Variants in XPO4 observed in about 807,000 individuals in gnomAD.
The protein encoded by XPO4 is exportin-4.
In XPO4, 39 loss-of-function variants were observed where a neutral mutation model predicts 143.0. The observed-to-expected ratio is 0.27, with a 90% confidence interval of 0.21 to 0.36. The LOEUF (loss-of-function observed/expected upper bound fraction) is 0.36. Among genes scored for constraint, XPO4 ranks in the 10% least tolerant of loss-of-function variants. The pLI is 1.00. For missense variants in XPO4, 907 were observed against 1,348.0 expected, an observed-to-expected ratio of 0.67 and a Z score of 5.12; for synonymous variants, 439 against 474.0, an observed-to-expected ratio of 0.93 and a Z score of 0.96.
At chr13:20,831,911 C>T (rs1011251965) in intron 6 of XPO4, among the ~76,000 whole-genome samples, 2 of 149,946 alleles carry the variant, frequency 1.3e-5, no homozygotes, top group African/African-American at 4.9e-5. Context: ...AAAACCCAAC[C>T]AATCTTCTAA....
In XPO4 at chr13:20,901,643, G is replaced by A. The variant is rs748471670; in HGVS notation, c.69+1027C>T. ...TTCTAAAGAAACAAAAATATCTGGT[G>A]TAAAATATTAGAACTACAAACTACG... On this transcript the variant is annotated intron_variant, in intron 1 of 22. Coordinates refer to ENST00000255305, the MANE Select transcript of XPO4 (RefSeq NM_022459.5). Among the ~76,000 whole-genome samples, 133 of 152,254 alleles carry A rather than the reference G, an allele frequency of 8.7e-4. 1 individual carries two copies. Among genetic ancestry groups the A allele is most frequent in the Admixed American group, 1.8e-3 (28 of 15,290 alleles).
At chr13:20,820,230 G>A (rs17058712) in intron 9 of XPO4, among the ~76,000 whole-genome samples, 5,802 of 152,266 alleles carry the variant, frequency 0.038, 379 homozygotes, top group African/African-American at 0.13. Context: ...ATGCATGCAG[G>A]CTTTCTATAT....
intron 8 of XPO4, 87 bp downstream of exon 8, chr13:20,822,044 GA>G (rs1209650285): frequency 3.5e-5 from 52 of 1,465,066 alleles, no homozygotes; most frequent in South Asian, 6.0e-5. Flanking sequence ...ATATAAGGGG[GA>G]AAAAATAACT....
At chr13:20,848,069 C>T in intron 4 of XPO4, 2 of 287,404 alleles carry the variant, frequency 7.0e-6, no homozygotes, top group Non-Finnish European at 1.0e-5. Flanking sequence ...GATCCCAATG[C>T]TTGTTGATTT....
intron 4 of XPO4, chr13:20,852,243 C>G: frequency 2.0e-6 from 2 of 985,406 alleles, no homozygotes; most frequent in Non-Finnish European, 2.4e-6. Flanking sequence ...TCACAAGGAG[C>G]TGGACTCCTT....
intron 22 of XPO4, among the ~76,000 whole-genome samples, chr13:20,785,956 G>C (rs2059198903): frequency 7.3e-6 from 1 of 136,798 alleles, no homozygotes; most frequent in Non-Finnish European, 1.6e-5. Flanking sequence ...GAAAAAGATA[G>C]AAAAAAGAAA....
At chr13:20,831,000 A>T (rs1185121735) in intron 6 of XPO4, among the ~76,000 whole-genome samples, 1 of 152,150 alleles carries the variant, frequency 6.6e-6, no homozygotes, top group African/African-American at 2.4e-5. Context: ...TAATATAAAG[A>T]ATTAAGGTAA....
chr13:20,833,712 C>T (rs2059880731), intron 6 of XPO4, among the ~76,000 whole-genome samples: 1 of 151,934 alleles, frequency 6.6e-6, no homozygotes. Context: ...TCATATACAA[C>T]ATGCATAGGG....
Position 20,895,631 on chromosome 13 carries a change from CAA to C in XPO4, c.69+7037_69+7038del, listed in dbSNP as rs5802090. On this transcript the variant is annotated intron_variant, in intron 1 of 22. Transcript: ENST00000255305. ...TGGGTGACAGAGCAAGACTCTGTCTCAAAAAAAAAAAAAGAAGTTTAGTATAA... is the reference window on the plus strand; with the variant it reads ...TGGGTGACAGAGCAAGACTCTGTCTCAAAAAAAAAAAGAAGTTTAGTATAA... Among the ~76,000 whole-genome samples, 180 of 144,926 alleles carry C rather than the reference CAA, an allele frequency of 1.2e-3. 1 individual carries two copies. Among genetic ancestry groups the C allele is most frequent in the Admixed American group, 2.3e-3 (34 of 14,524 alleles).
intron 1 of XPO4, among the ~76,000 whole-genome samples, chr13:20,873,242 T>C (rs2060318978): frequency 6.6e-6 from 1 of 152,076 alleles, no homozygotes; most frequent in South Asian, 2.1e-4. Flanking sequence ...TTGCCTTCAG[T>C]TCACAAAATC....
At chr13:20,868,388 G>T in intron 2 of XPO4, 1 of 712,990 alleles carries the variant, frequency 1.4e-6, no homozygotes, top group Non-Finnish European at 2.0e-6. Context: ...TATATCTAGG[G>T]GGGAAAAATC....
intron 1 of XPO4, among the ~76,000 whole-genome samples, chr13:20,882,708 C>G (rs927963047): frequency 6.6e-6 from 1 of 151,882 alleles, no homozygotes. Flanking sequence ...GCCAACATGG[C>G]AAAATCCCAT....
At chr13:20,885,565 G>A (rs1357866181) in intron 1 of XPO4, among the ~76,000 whole-genome samples, 1 of 152,028 alleles carries the variant, frequency 6.6e-6, no homozygotes, top group Admixed American at 6.6e-5. Flanking sequence ...GGACAGACTG[G>A]ATAAAAAAGA....
intron 9 of XPO4, among the ~76,000 whole-genome samples, chr13:20,815,098 C>G (rs1021695876): frequency 2.0e-5 from 3 of 152,116 alleles, no homozygotes; most frequent in East Asian, 1.9e-4. Flanking sequence ...TCCAACTACA[C>G]GACATTCTAG....
chr13:20,831,278 A>G (rs2059848958), intron 6 of XPO4, among the ~76,000 whole-genome samples: 2 of 152,194 alleles, frequency 1.3e-5, no homozygotes, highest in African/African-American at 4.8e-5. Context: ...TTCATTTAAA[A>G]ATAATTTTAA....
chr13:20,828,151 C>T (rs1463521021), intron 6 of XPO4, among the ~76,000 whole-genome samples: 2 of 151,976 alleles, frequency 1.3e-5, no homozygotes, highest in East Asian at 1.9e-4. Flanking sequence ...GCGGGAGAGT[C>T]GCTTGAAAAC....
chr13:20,859,947 G>GTC, intron 3 of XPO4: 1 of 645,178 alleles, frequency 1.5e-6, no homozygotes, highest in Non-Finnish European at 1.9e-6. Context: ...GGCGACAAGG[G>GTC]GGAGAAAAGG....
chr13:20,822,548 AAGAG>A (rs2059733439), intron 7 of XPO4, among the ~76,000 whole-genome samples: 1 of 152,224 alleles, frequency 6.6e-6, no homozygotes, highest in South Asian at 2.1e-4. Context: ...TGTTATGACA[AAGAG>A]AGAAACAGAT....
chr13:20,844,332 G>A (rs1252544505), intron 4 of XPO4, among the ~76,000 whole-genome samples: 1 of 152,152 alleles, frequency 6.6e-6, no homozygotes, highest in Admixed American at 6.5e-5. Flanking sequence ...TTTGTAAAAT[G>A]CATTCCCAAA....
Sources: allele counts gnomAD v4.1 joint callset (sites outside exome capture counted in the v4.1 genomes callset), GRCh38; gene constraint gnomAD v4.1.1; transcripts MANE v1.5; gene names NCBI Gene and HGNC (gene_info 2026-07-23, HGNC 2026-07-21).